Variants in MYO5A observed in about 807,000 individuals in gnomAD.
The protein encoded by MYO5A is myosin VA, also known as unconventional myosin-Va.
A neutral mutation model predicts 249.7 loss-of-function variants in MYO5A; 98 were observed. The observed-to-expected ratio is 0.39, with a 90% CI of 0.33 to 0.46. The LOEUF (loss-of-function observed/expected upper bound fraction) is 0.46. Among genes scored for constraint, MYO5A ranks in the 20% least tolerant of loss-of-function variants. The pLI is 0.98. For synonymous variants in MYO5A, 778 were observed against 810.6 expected (o/e 0.96, Z 0.68); for missense variants, 1,696 against 2,308.8 (o/e 0.73, Z 5.44).
chr15:52,416,054 G>C (rs1595634780), intron 5 of MYO5A, 91 bp downstream of exon 5: 1 of 1,464,566 alleles, frequency 6.8e-7, no homozygotes, highest in Non-Finnish European at 9.5e-7. Context: ...GGAGACCCCA[G>C]GCTTTCTGAG....
Position 52,489,442 on chromosome 15 carries a change from T to C in MYO5A, c.27+39338A>G, listed in dbSNP as rs536893569. 2.0e-5 allele frequency among the ~76,000 whole-genome samples: 3 copies of C among 151,994 alleles called. No individual in the cohort carries two copies. In the East Asian group the frequency reaches 5.8e-4, roughly 29 times the overall value. On this transcript the variant is annotated intron_variant, in intron 1 of 41. Coordinates refer to ENST00000399233, the MANE Select transcript of MYO5A (RefSeq NM_001382347.1). ...AGCCGGGCGTGGTGGCACGCACCTGTAGTCCCAGCTACTCGGGAGGCGGAG... is the reference window on the plus strand; with the variant it reads ...AGCCGGGCGTGGTGGCACGCACCTGCAGTCCCAGCTACTCGGGAGGCGGAG...
intron 1 of MYO5A, among the ~76,000 whole-genome samples, chr15:52,478,094 C>T (rs2076635884): frequency 6.6e-6 from 1 of 152,250 alleles, no homozygotes; most frequent in African/African-American, 2.4e-5. Context: ...TGTTTACCTA[C>T]TCAAGCCTCC....
chr15:52,384,540 C>A (rs540305115), intron 14 of MYO5A, among the ~76,000 whole-genome samples: 3 of 152,276 alleles, frequency 2.0e-5, no homozygotes. Context: ...ATTCTACAAC[C>A]ATGTCTGGGG....
intron 37 of MYO5A, 103 bp from the exon 38 acceptor site, chr15:52,321,612 T>C (rs1322600180): frequency 4.6e-6 from 6 of 1,300,546 alleles, no homozygotes; most frequent in African/African-American, 2.9e-5. Flanking sequence ...TTCTGCTCTG[T>C]CCAAGGAGCT....
chr15:52,439,100 A>G (rs567135755), intron 1 of MYO5A, among the ~76,000 whole-genome samples: 2 of 152,348 alleles, frequency 1.3e-5, no homozygotes, highest in South Asian at 2.1e-4. Flanking sequence ...TAATAGAGCT[A>G]TAACACTCAC....
rs188976599 is a variant in MYO5A at position 52,413,673 on chromosome 15, T to C, written c.612+2472A>G. The stretch of plus-strand genomic sequence containing the variant: ...GACTACATACTCAATATTTTACCTA[T>C]GTTTTCTTCCAGTAACTGATCTTCA... On this transcript the variant is annotated intron_variant, in intron 5 of 41. Transcript: ENST00000399233. Among the ~76,000 whole-genome samples, 5 of 152,292 alleles carry C rather than the reference T, an allele frequency of 3.3e-5. No individual in the cohort carries two copies. The South Asian group carries it at 1.0e-3, about 32-fold the overall frequency.
intron 24 of MYO5A, among the ~76,000 whole-genome samples, chr15:52,364,001 G>T (rs1232842541): frequency 6.6e-6 from 1 of 152,172 alleles, no homozygotes; most frequent in East Asian, 1.9e-4. Context: ...CACTTTGGGA[G>T]GCCAAGGTGG....
intron 25 of MYO5A, among the ~76,000 whole-genome samples, chr15:52,354,670 A>G (rs1015544609): frequency 1.3e-5 from 2 of 152,182 alleles, no homozygotes; most frequent in Non-Finnish European, 2.9e-5. Flanking sequence ...CCTGACCAAC[A>G]CGGTGAAACC....
At chr15:52,485,408 A>T (rs926660464) in intron 1 of MYO5A, among the ~76,000 whole-genome samples, 2 of 152,186 alleles carry the variant, frequency 1.3e-5, no homozygotes, top group Non-Finnish European at 2.9e-5. Context: ...AGAGAGTTCA[A>T]GTTTTCCGTC....
intron 1 of MYO5A, among the ~76,000 whole-genome samples, chr15:52,515,085 C>T (rs924197617): frequency 2.0e-5 from 3 of 152,060 alleles, no homozygotes; most frequent in African/African-American, 7.3e-5. Flanking sequence ...CAAGACCAGC[C>T]TGGACAACAC....
At chr15:52,521,584 TTA>T (rs2077622183) in intron 1 of MYO5A, among the ~76,000 whole-genome samples, 1 of 152,202 alleles carries the variant, frequency 6.6e-6, no homozygotes, top group African/African-American at 2.4e-5. Flanking sequence ...ACTTAGTGCA[TTA>T]TGTACAATGC....
chr15:52,496,541 G>A (rs12442200), intron 1 of MYO5A, among the ~76,000 whole-genome samples: 142,039 of 152,246 alleles, frequency 0.93, 67,067 homozygotes, highest in East Asian at 1. Context: ...AAGACCCTCC[G>A]AAGAGTATTC....
At chr15:52,317,511 A>G (rs2038080685) in intron 39 of MYO5A, among the ~76,000 whole-genome samples, 1 of 152,254 alleles carries the variant, frequency 6.6e-6, no homozygotes, top group Non-Finnish European at 1.5e-5. Context: ...ACAAAATAGA[A>G]TAACATAATG....
At chr15:52,500,299 T>A (rs899844692) in intron 1 of MYO5A, among the ~76,000 whole-genome samples, 1 of 152,038 alleles carries the variant, frequency 6.6e-6, no homozygotes, top group Non-Finnish European at 1.5e-5. Flanking sequence ...TTATTAGCCA[T>A]TTGTATATAT....
Position 52,452,118 on chromosome 15 carries a change from C to T in MYO5A, c.28-18833G>A, listed in dbSNP as rs139806145. The stretch of plus-strand genomic sequence containing the variant: ...TGGTGGCACAGAAGCAAGCTGGTTT[C>T]ACCACCCCCTCCCCCCACTGAAAAC... On this transcript the variant is annotated intron_variant, in intron 1 of 41. Coordinates refer to ENST00000399233, the MANE Select transcript of MYO5A (RefSeq NM_001382347.1). Among the ~76,000 whole-genome samples the T allele has an allele frequency of 2.9e-3, 448 of 152,198 alleles. 6 individuals carry two copies. The highest frequency in any genetic ancestry group is 5.8e-3 in the Non-Finnish European group (395 of 68,016).
At chr15:52,344,165 A>G (rs2039506428) in intron 30 of MYO5A, among the ~76,000 whole-genome samples, 1 of 152,178 alleles carries the variant, frequency 6.6e-6, no homozygotes, top group African/African-American at 2.4e-5. Flanking sequence ...CTTTACATCT[A>G]GAGAGTTCAT....
chr15:52,497,772 A>AC (rs1224660123), intron 1 of MYO5A, among the ~76,000 whole-genome samples: 1 of 150,872 alleles, frequency 6.6e-6, no homozygotes, highest in East Asian at 1.9e-4. Flanking sequence ...AAAAAAAAAA[A>AC]AAAAAGAAGC....
chr15:52,479,911 C>T (rs1461187349), intron 1 of MYO5A, among the ~76,000 whole-genome samples: 1 of 152,086 alleles, frequency 6.6e-6, no homozygotes. Flanking sequence ...CTCAGCATGC[C>T]TTTGCTCTTC....
At chr15:52,485,994 G>A (rs2076812037) in intron 1 of MYO5A, among the ~76,000 whole-genome samples, 1 of 152,152 alleles carries the variant, frequency 6.6e-6, no homozygotes, top group African/African-American at 2.4e-5. Flanking sequence ...AGTCATGAGG[G>A]CACAGTTCTG....
Sources: allele counts gnomAD v4.1 joint callset (sites outside exome capture counted in the v4.1 genomes callset), GRCh38; gene constraint gnomAD v4.1.1; transcripts MANE v1.5; gene names NCBI Gene and HGNC (gene_info 2026-07-23, HGNC 2026-07-21).